Variants in RNF180 observed in about 807,000 individuals in gnomAD.
The protein encoded by RNF180 is ring finger protein 180, also known as E3 ubiquitin-protein ligase RNF180.
A neutral mutation model predicts 59.2 loss-of-function variants in RNF180; 38 were observed. The ratio of observed to expected loss-of-function variants is 0.64; its 90% CI spans 0.50 to 0.84. RNF180 has a LOEUF of 0.84. RNF180 is among the 40% of genes least tolerant of loss of function. RNF180 has a pLI of 0.00. For synonymous variants in RNF180, 262 were observed against 240.3 expected (o/e 1.09, Z -0.84); for missense variants, 705 against 700.9 (o/e 1.01, Z -0.07).
chr5:64,250,739 A>G (rs1300097724), intron 5 of RNF180, among the ~76,000 whole-genome samples: 1 of 152,164 alleles, frequency 6.6e-6, no homozygotes, highest in Non-Finnish European at 1.5e-5. Flanking sequence ...AGAAAAGCCT[A>G]GGACCTGATG....
At chr5:64,310,395 C>T (rs186335267) in intron 5 of RNF180, among the ~76,000 whole-genome samples, 91 of 151,752 alleles carry the variant, frequency 6.0e-4, no homozygotes, top group African/African-American at 2.1e-3. Flanking sequence ...TGACATTTTA[C>T]CAAATGTTTT....
intron 5 of RNF180, among the ~76,000 whole-genome samples, chr5:64,277,758 G>A (rs1428214427): frequency 1.3e-5 from 2 of 152,110 alleles, no homozygotes; most frequent in Non-Finnish European, 1.5e-5. Flanking sequence ...AATCATGTTC[G>A]AGGAAGGGAA....
chr5:64,212,077 T>A lies in RNF180; in HGVS notation c.148T>A (p.Ser50Thr). 6.3e-7 allele frequency: 1 copy of A among 1,581,400 alleles called. No individual in the cohort carries two copies. The highest frequency in any genetic ancestry group is 2.2e-5 in the East Asian group (1 of 44,658). Reference protein sequence around the residue: ...ENQVIKDKDDSVDAQNICHVW... With the variant: ...ENQVIKDKDDTVDAQNICHVW... The stretch of plus-strand genomic sequence containing the variant: ...TTTTATTTAACAGGATAAAGATGAT[T>A]CAGTTGATGCTCAAAATATTTGTCA... The change falls in exon 3 of 8, where the codon TCA (serine) becomes ACA (threonine). Residue 50 changes from serine to threonine, a missense_variant. Ser to Thr is a moderately conservative substitution (Grantham distance 58, BLOSUM62 1). Coordinates refer to ENST00000389100, the MANE Select transcript of RNF180 (RefSeq NM_001113561.2).
chr5:64,342,827 G>GAACT (rs1253195976), intron 7 of RNF180, among the ~76,000 whole-genome samples: 8 of 152,116 alleles, frequency 5.3e-5, no homozygotes, highest in African/African-American at 1.9e-4. Flanking sequence ...GTCCCATTGT[G>GAACT]AACTCCGTAG....
intron 2 of RNF180, among the ~76,000 whole-genome samples, chr5:64,210,430 G>A (rs1311841156): frequency 2.6e-5 from 4 of 151,866 alleles, no homozygotes; most frequent in Admixed American, 6.6e-5. Flanking sequence ...TGGAACCCTA[G>A]GATTATCAAT....
At chr5:64,314,881 G>A (rs972929080) in intron 5 of RNF180, among the ~76,000 whole-genome samples, 5 of 152,114 alleles carry the variant, frequency 3.3e-5, no homozygotes, top group African/African-American at 1.2e-4. Context: ...TAGCTTTTCA[G>A]AATAATTGTG....
At chr5:64,180,195 AC>A (rs1750495388) in intron 1 of RNF180, among the ~76,000 whole-genome samples, 1 of 152,130 alleles carries the variant, frequency 6.6e-6, no homozygotes, top group Non-Finnish European at 1.5e-5. Flanking sequence ...CTTTTCTTAT[AC>A]TGAAGTTAAA....
intron 5 of RNF180, among the ~76,000 whole-genome samples, chr5:64,301,562 A>T (rs1325970979): frequency 6.6e-6 from 1 of 151,792 alleles, no homozygotes; most frequent in Non-Finnish European, 1.5e-5. Context: ...GCTGTTAAAC[A>T]TTCCTTCTTT....
intron 1 of RNF180, among the ~76,000 whole-genome samples, chr5:64,172,270 T>C (rs1749978573): frequency 6.6e-6 from 1 of 152,140 alleles, no homozygotes; most frequent in Admixed American, 6.6e-5. Flanking sequence ...CCTGCTTTAA[T>C]GTACAAAAAG....
chr5:64,281,744 C>G (rs1295418561), intron 5 of RNF180, among the ~76,000 whole-genome samples: 1 of 152,148 alleles, frequency 6.6e-6, no homozygotes, highest in Non-Finnish European at 1.5e-5. Context: ...GATCCACCCG[C>G]CTTGGCATCG....
At chr5:64,351,830 A>G (rs765794152) in intron 7 of RNF180, among the ~76,000 whole-genome samples, 2 of 152,116 alleles carry the variant, frequency 1.3e-5, no homozygotes, top group Non-Finnish European at 1.5e-5. Context: ...GGATTTTTGC[A>G]TCAATGTTCA....
At chr5:64,212,234 T>C (rs1752349515) in intron 3 of RNF180, 74 bp downstream of exon 3, 5 of 886,558 alleles carry the variant, frequency 5.6e-6, no homozygotes, top group Admixed American at 3.8e-5. Flanking sequence ...TTTAGAGCTA[T>C]TTTTCTTAGA....
intron 5 of RNF180, among the ~76,000 whole-genome samples, chr5:64,252,453 A>G (rs1323063116): frequency 3.3e-5 from 5 of 152,238 alleles, no homozygotes; most frequent in Admixed American, 2.0e-4. Flanking sequence ...CACAAAAATG[A>G]TAACTGTGAG....
rs541198721 is a variant in RNF180, at chr5:64,240,659, C to A, written c.1227+23263C>A. Among the ~76,000 whole-genome samples the A allele has an allele frequency of 3.9e-5, 6 of 152,240 alleles. No homozygotes were observed. The South Asian group carries it at 1.0e-3, about 26-fold the overall frequency. On this transcript the variant is annotated intron_variant, in intron 5 of 7. Transcript: ENST00000389100. ...AGGTGGCATCACTGATTACTTACCC[C>A]CTCATTCACTCTCCTATACCTATAA...
At chr5:64,369,028 C>T (rs1438911540) in intron 7 of RNF180, among the ~76,000 whole-genome samples, 15 of 151,938 alleles carry the variant, frequency 9.9e-5, no homozygotes, top group Non-Finnish European at 1.9e-4. Context: ...TATTGCGGCA[C>T]TATTCACAAT....
chr5:64,231,454 A>G (rs1374382070), intron 5 of RNF180, among the ~76,000 whole-genome samples: 1 of 152,110 alleles, frequency 6.6e-6, no homozygotes. Context: ...TGTGCCACAC[A>G]CTCTTTATTT....
At chr5:64,297,665 G>C (rs913392043) in intron 5 of RNF180, among the ~76,000 whole-genome samples, 29 of 152,052 alleles carry the variant, frequency 1.9e-4, no homozygotes, top group African/African-American at 6.7e-4. Context: ...CTTCTTAAAA[G>C]CATTTGAGAG....
chr5:64,295,824 G>T (rs1011736559), intron 5 of RNF180, among the ~76,000 whole-genome samples: 6 of 152,042 alleles, frequency 3.9e-5, no homozygotes, highest in African/African-American at 1.4e-4. Context: ...CTCAAAATTT[G>T]TCTTACATAC....
At chr5:64,278,467 T>G (rs1462081430) in intron 5 of RNF180, among the ~76,000 whole-genome samples, 1 of 152,128 alleles carries the variant, frequency 6.6e-6, no homozygotes, top group East Asian at 1.9e-4. Context: ...GAGGAAATGC[T>G]AAGTCCAGAC....
Sources: allele counts gnomAD v4.1 joint callset (sites outside exome capture counted in the v4.1 genomes callset), GRCh38; gene constraint gnomAD v4.1.1; transcripts MANE v1.5; gene names NCBI Gene and HGNC (gene_info 2026-07-23, HGNC 2026-07-21).